ZNF804A: variants seen among roughly 807,000 people sequenced by gnomAD.
The protein encoded by ZNF804A is zinc finger protein 804A.
In ZNF804A, 2 loss-of-function variants were observed where a neutral mutation model predicts 16.5. That is an observed-to-expected ratio of 0.12 (90% CI 0.05 to 0.38). The LOEUF (loss-of-function observed/expected upper bound fraction) is 0.38. Among genes scored for constraint, ZNF804A ranks in the 10% least tolerant of loss-of-function variants. The pLI is 0.99. For missense variants in ZNF804A, 1,473 were observed against 1,390.7 expected (o/e 1.06, Z -0.94); for synonymous variants, 534 against 489.6 (o/e 1.09, Z -1.20).
At chr2:184,786,292 GTTC>G (rs76436545) in intron 1 of ZNF804A, among the ~76,000 whole-genome samples, 21,591 of 151,744 alleles carry the variant, frequency 0.14, 1,653 homozygotes, top group Middle Eastern at 0.24. Flanking sequence ...AGGTTCTTGT[GTTC>G]TTCTGTTTTT....
chr2:184,708,181 A>T (rs1376106938), intron 1 of ZNF804A, among the ~76,000 whole-genome samples: 2 of 152,018 alleles, frequency 1.3e-5, no homozygotes, highest in Non-Finnish European at 2.9e-5. Context: ...CCTTTGTCAG[A>T]TGCATAGTTT....
intron 1 of ZNF804A, among the ~76,000 whole-genome samples, chr2:184,865,733 T>C (rs1695869337): frequency 6.6e-6 from 1 of 152,280 alleles, no homozygotes; most frequent in South Asian, 2.1e-4. Context: ...ACAATCTGCT[T>C]GTGCAGTTTA....
At chr2:184,645,105 C>A (rs1364769592) in intron 1 of ZNF804A, among the ~76,000 whole-genome samples, 1 of 151,990 alleles carries the variant, frequency 6.6e-6, no homozygotes, top group Admixed American at 6.6e-5. Context: ...CTATAAATGA[C>A]ATAAGCCCAT....
At chr2:184,934,127 ACTT>A (rs1339321857) in intron 3 of ZNF804A, among the ~76,000 whole-genome samples, 2 of 152,108 alleles carry the variant, frequency 1.3e-5, no homozygotes, top group African/African-American at 4.8e-5. Flanking sequence ...AATTTGGAGA[ACTT>A]CTATTTAAAA....
At chr2:184,924,009 TTG>T (rs3046265) in intron 2 of ZNF804A, among the ~76,000 whole-genome samples, 99,139 of 149,428 alleles carry the variant, frequency 0.66, 33,699 homozygotes, top group East Asian at 0.84. Context: ...TAGTTTTGTT[TTG>T]TGTGTGTGTG....
At chr2:184,809,516 T>C (rs1204439972) in intron 1 of ZNF804A, among the ~76,000 whole-genome samples, 3 of 151,878 alleles carry the variant, frequency 2.0e-5, no homozygotes, top group Non-Finnish European at 2.9e-5. Context: ...TATTTAGTCA[T>C]TGAAAAGACA....
chr2:184,718,617 G>A (rs984910837), intron 1 of ZNF804A, among the ~76,000 whole-genome samples: 1 of 152,126 alleles, frequency 6.6e-6, no homozygotes, highest in Non-Finnish European at 1.5e-5. Flanking sequence ...GGTGCTACAG[G>A]CTCTATGCAA....
chr2:184,913,604 T>C (rs978805321), intron 2 of ZNF804A, among the ~76,000 whole-genome samples: 1 of 152,170 alleles, frequency 6.6e-6, no homozygotes, highest in African/African-American at 2.4e-5. Flanking sequence ...AAATAAAGTC[T>C]CACATGCTTG....
intron 1 of ZNF804A, among the ~76,000 whole-genome samples, chr2:184,711,746 C>G (rs1693130550): frequency 6.6e-6 from 1 of 151,614 alleles, no homozygotes; most frequent in Non-Finnish European, 1.5e-5. Flanking sequence ...GTCCTTTCTC[C>G]TTTTTGTGTT....
Position 184,696,973 on chromosome 2 carries a change from T to C in ZNF804A, c.111+97903T>C, listed in dbSNP as rs190519641. Reference sequence around the variant, plus strand: ...CCTAGAAGTGAAAATTATTAATATTTTTATATTTTAGGTTATTATTATTCA... The same window carrying C: ...CCTAGAAGTGAAAATTATTAATATTCTTATATTTTAGGTTATTATTATTCA... On this transcript the variant is annotated intron_variant, in intron 1 of 3. Coordinates refer to ENST00000302277, the MANE Select transcript of ZNF804A (RefSeq NM_194250.2). Among the ~76,000 whole-genome samples the C allele has an allele frequency of 3.9e-4, 60 of 152,102 alleles. No homozygotes were observed. The East Asian group carries it at 0.011, about 29-fold the overall frequency.
chr2:184,679,150 C>A (rs907510968), intron 1 of ZNF804A, among the ~76,000 whole-genome samples: 1 of 152,118 alleles, frequency 6.6e-6, no homozygotes, highest in Non-Finnish European at 1.5e-5. Flanking sequence ...AGATGTTGAA[C>A]GTAGATTCAG....
intron 1 of ZNF804A, among the ~76,000 whole-genome samples, chr2:184,634,198 C>T (rs1035856107): frequency 6.6e-6 from 1 of 152,200 alleles, no homozygotes; most frequent in Non-Finnish European, 1.5e-5. Context: ...AACTTTTTTT[C>T]ATTATTCTTT....
At chr2:184,718,949 C>G (rs1693255503) in intron 1 of ZNF804A, among the ~76,000 whole-genome samples, 1 of 152,122 alleles carries the variant, frequency 6.6e-6, no homozygotes, top group Non-Finnish European at 1.5e-5. Flanking sequence ...CATGGGGGCT[C>G]TGACCCCACA....
intron 1 of ZNF804A, among the ~76,000 whole-genome samples, chr2:184,792,289 G>T (rs562827856): frequency 2.0e-5 from 3 of 152,154 alleles, no homozygotes; most frequent in Non-Finnish European, 4.4e-5. Context: ...TATCAGCAAT[G>T]AATGAGAGTT....
chr2:184,769,673 A>G (rs1694182826), intron 1 of ZNF804A, among the ~76,000 whole-genome samples: 1 of 152,060 alleles, frequency 6.6e-6, no homozygotes, highest in African/African-American at 2.4e-5. Flanking sequence ...ACCAGAAAGC[A>G]ACACATTCTG....
intron 1 of ZNF804A, among the ~76,000 whole-genome samples, chr2:184,686,343 A>C (rs1036553676): frequency 1.3e-5 from 2 of 151,958 alleles, no homozygotes; most frequent in African/African-American, 4.8e-5. Context: ...ACTGCAGCCA[A>C]CATCTTCTCA....
chr2:184,669,768 A>ACAAACT (rs1553524885), intron 1 of ZNF804A, among the ~76,000 whole-genome samples: 3 of 151,016 alleles, frequency 2.0e-5, no homozygotes, highest in Non-Finnish European at 3.0e-5. Flanking sequence ...ACACACGCAC[A>ACAAACT]CACACACACA....
chr2:184,914,304 TGC>T (rs1339677075), intron 2 of ZNF804A, among the ~76,000 whole-genome samples: 1 of 152,164 alleles, frequency 6.6e-6, no homozygotes, highest in Non-Finnish European at 1.5e-5. Context: ...ACAGTTTAAT[TGC>T]AGAGAGATGA....
intron 1 of ZNF804A, among the ~76,000 whole-genome samples, chr2:184,844,004 G>A (rs1039068875): frequency 2.0e-5 from 3 of 151,838 alleles, no homozygotes; most frequent in African/African-American, 4.8e-5. Flanking sequence ...GCAATTAAAT[G>A]ATTCAATTTT....
Sources: allele counts gnomAD v4.1 joint callset (sites outside exome capture counted in the v4.1 genomes callset), GRCh38; gene constraint gnomAD v4.1.1; transcripts MANE v1.5; gene names NCBI Gene and HGNC (gene_info 2026-07-23, HGNC 2026-07-21).